SPI1: variants seen among roughly 807,000 people sequenced by gnomAD.
SPI1 encodes Spi-1 proto-oncogene, also known as transcription factor PU.1.
In SPI1, 3 loss-of-function variants were observed where a neutral mutation model predicts 30.7. The ratio of observed to expected loss-of-function variants is 0.10; its 90% CI spans 0.04 to 0.25. SPI1 has a LOEUF of 0.25. Among genes scored for constraint, SPI1 ranks in the 10% least tolerant of loss-of-function variants. The pLI, the probability that SPI1 is intolerant of heterozygous loss-of-function variation, is 1.00. For synonymous variants in SPI1, 169 were observed against 157.1 expected (o/e 1.08, Z -0.56); for missense variants, 261 against 371.5 (o/e 0.70, Z 2.45).
chr11:47,356,546 TCA>T (rs1441698890), intron 4 of SPI1, among the ~76,000 whole-genome samples: 1 of 147,696 alleles, frequency 6.8e-6, no homozygotes, highest in Non-Finnish European at 1.5e-5. Flanking sequence ...CACACCAGGT[TCA>T]CACACTCATG....
At chr11:47,364,990 A>G (rs552810338) in intron 2 of SPI1, among the ~76,000 whole-genome samples, 8 of 152,360 alleles carry the variant, frequency 5.3e-5, no homozygotes, top group Admixed American at 3.3e-4. Context: ...AGAAGGCCCA[A>G]TGGATACCTC....
In SPI1 at chr11:47,378,474, G is replaced by T. The variant is rs1186755325; in HGVS notation, c.-121C>A. ...TGGGGCGGGTGCAGGGCTCAGGCCT[G>T]CCCCCTGAGCTACAGGAGCCCTGGG... On this transcript the variant is annotated 5_prime_UTR_variant, in exon 1 of 5. Coordinates refer to ENST00000378538, the MANE Select transcript of SPI1 (RefSeq NM_003120.3). 1.9e-6 allele frequency: 2 copies of T among 1,036,950 alleles called. No homozygotes were observed. The highest frequency in any genetic ancestry group is 1.6e-5 in the African/African-American group (1 of 62,820). The allele number at this position is 1,036,950 out of a possible 1,614,324, so 64.2% of individuals were successfully genotyped here.
intron 2 of SPI1, among the ~76,000 whole-genome samples, chr11:47,363,633 A>G (rs2095924059): frequency 6.6e-6 from 1 of 152,044 alleles, no homozygotes; most frequent in African/African-American, 2.4e-5. Flanking sequence ...GATTACAGGC[A>G]TGAGCCACCG....
intron 2 of SPI1, among the ~76,000 whole-genome samples, chr11:47,363,249 A>G (rs1032656710): frequency 6.6e-5 from 10 of 152,234 alleles, no homozygotes; most frequent in Non-Finnish European, 1.0e-4. Context: ...GGCCAGGTGC[A>G]GTGGCTCACG....
Position 47,355,440 on chromosome 11 carries a change from C to T in SPI1, c.600G>A (p.Gln200=). ...WWVDKDKGTF[Q]FSSKHKEALA... Reference sequence around the variant, plus strand: ...GCGCCTCCTTGTGCTTGGACGAGAACTGGAAGGTGCCCTTGTCCTTGTCCA... The same window carrying T: ...GCGCCTCCTTGTGCTTGGACGAGAATTGGAAGGTGCCCTTGTCCTTGTCCA... The change falls in exon 5 of 5, where the codon CAG becomes CAA. Residue 200 remains glutamine (Q), a synonymous_variant. Coordinates refer to ENST00000378538, the MANE Select transcript of SPI1 (RefSeq NM_003120.3). 1 of 1,613,754 alleles carries T rather than the reference C, an allele frequency of 6.2e-7. No individual in the cohort carries two copies. The highest frequency in any genetic ancestry group is 8.5e-7 in the Non-Finnish European group (1 of 1,179,726).
At chr11:47,372,627 T>C (rs1366304872) in intron 2 of SPI1, among the ~76,000 whole-genome samples, 2 of 152,044 alleles carry the variant, frequency 1.3e-5, no homozygotes, top group East Asian at 1.9e-4. Context: ...GGGTGGCAGA[T>C]TGACTGTCCC....
chr11:47,355,315 T>C lies in SPI1; in HGVS notation c.725A>G (p.Lys242Arg). The part of the protein sequence containing the change: ...LRNYGKTGEV[K>R]KVKKKLTYQF... ...GTAGGTGAGCTTCTTCTTCACCTTCTTGACCTCGCCCGTCTTGCCGTAGTT... is the reference window on the plus strand; with the variant it reads ...GTAGGTGAGCTTCTTCTTCACCTTCCTGACCTCGCCCGTCTTGCCGTAGTT... The change falls in exon 5 of 5, where the codon AAG becomes AGG. Residue 242 changes from lysine to arginine, a missense_variant. Physicochemically the swap from Lys to Arg is conservative, Grantham distance 26. Transcript: ENST00000378538. 1 of 1,611,376 alleles carries C rather than the reference T, an allele frequency of 6.2e-7. No individual in the cohort carries two copies. Among genetic ancestry groups the C allele is most frequent in the Admixed American group, 1.7e-5 (1 of 59,814 alleles).
At chr11:47,372,412 A>G (rs1486667577) in intron 2 of SPI1, among the ~76,000 whole-genome samples, 3 of 152,036 alleles carry the variant, frequency 2.0e-5, no homozygotes, top group East Asian at 3.9e-4. Context: ...TTATGTCCCC[A>G]TCCCCTCGCT....
chr11:47,364,330 G>A (rs988622216), intron 2 of SPI1, among the ~76,000 whole-genome samples: 2 of 152,096 alleles, frequency 1.3e-5, no homozygotes, highest in Non-Finnish European at 2.9e-5. Context: ...GATTACAGGC[G>A]TCTGGCCTTA....
Position 47,378,518 on chromosome 11 carries a change from A to G in SPI1, c.-165T>C, listed in dbSNP as rs1294841455. On this transcript the variant is annotated 5_prime_UTR_variant, in exon 1 of 5. It removes an upstream start codon present in the reference 5' UTR. Transcript: ENST00000378538. Reference sequence around the variant, plus strand: ...CCCTGGGTGAGCCCCCTCCCTTGACATTGCAGGGCCAGCACAAGTTCCTGA... The same window carrying G: ...CCCTGGGTGAGCCCCCTCCCTTGACGTTGCAGGGCCAGCACAAGTTCCTGA... 3 of 655,314 alleles carry G rather than the reference A, an allele frequency of 4.6e-6. No individual in the cohort carries two copies. Among genetic ancestry groups the G allele is most frequent in the African/African-American group, 1.8e-5 (1 of 54,900 alleles). The allele number at this position is 655,314 out of a possible 1,614,324, so 40.6% of individuals were successfully genotyped here. A position where few individuals can be genotyped will look rare whatever the true frequency, so the allele number is the denominator to read the frequency against.
intron 2 of SPI1, among the ~76,000 whole-genome samples, chr11:47,361,318 C>T (rs2095920530): frequency 6.6e-6 from 1 of 152,094 alleles, no homozygotes; most frequent in African/African-American, 2.4e-5. Flanking sequence ...GTGGCCCTTC[C>T]TCTTCAAAGC....
intron 2 of SPI1, among the ~76,000 whole-genome samples, chr11:47,373,028 T>G (rs2095937890): frequency 6.6e-6 from 1 of 151,972 alleles, no homozygotes; most frequent in African/African-American, 2.4e-5. Flanking sequence ...TATGGTTGAG[T>G]CTTCAGACGA....
chr11:47,377,520 G>A (rs2095943906), intron 1 of SPI1, among the ~76,000 whole-genome samples: 1 of 152,006 alleles, frequency 6.6e-6, no homozygotes. Context: ...GGTCCCCTGG[G>A]GCTCCCACTT....
intron 2 of SPI1, among the ~76,000 whole-genome samples, chr11:47,367,373 G>A (rs912178869): frequency 2.4e-4 from 37 of 152,006 alleles, no homozygotes; most frequent in African/African-American, 8.9e-4. Context: ...GGTCAACATG[G>A]TGAAACCCCG....
chr11:47,368,101 C>G (rs2095931040), intron 2 of SPI1, among the ~76,000 whole-genome samples: 1 of 152,122 alleles, frequency 6.6e-6, no homozygotes, highest in African/African-American at 2.4e-5. Flanking sequence ...CGCAGTGGCT[C>G]ACACCTGTAT....
intron 4 of SPI1, among the ~76,000 whole-genome samples, chr11:47,357,074 A>T (rs1166089902): frequency 1.3e-5 from 2 of 149,470 alleles, no homozygotes; most frequent in Non-Finnish European, 3.0e-5. Flanking sequence ...CACACATGCT[A>T]ACACTTCACA....
chr11:47,355,531 A>G lies in SPI1; in HGVS notation c.509T>C (p.Ile170Thr). ...GTCCAACAGGAACTGGTACAGGCGGATCTTCTTCTTGCTGCCTGCGGGGGG... is the reference window on the plus strand; with the variant it reads ...GTCCAACAGGAACTGGTACAGGCGGGTCTTCTTCTTGCTGCCTGCGGGGGG... ...LPGETGSKKK[I>T]RLYQFLLDLL... is the part of the protein sequence containing the mutation. The change falls in exon 5 of 5, where the codon ATC (isoleucine) becomes ACC (threonine). Residue 170 changes from isoleucine (I) to threonine (T), a missense_variant. Ile to Thr is a moderately conservative substitution (Grantham distance 89). Around this residue, in one of 5 missense-constraint regions of SPI1, gnomAD observed 43 missense variants for 123.8 expected, o/e 0.35. Coordinates refer to ENST00000378538, the MANE Select transcript of SPI1 (RefSeq NM_003120.3). 6.3e-7 allele frequency: 1 copy of G among 1,580,594 alleles called. No homozygotes were observed. Among genetic ancestry groups the G allele is most frequent in the Non-Finnish European group, 8.6e-7 (1 of 1,160,842 alleles).
At chr11:47,376,375 C>G (rs1005509707) in intron 1 of SPI1, among the ~76,000 whole-genome samples, 2 of 152,020 alleles carry the variant, frequency 1.3e-5, no homozygotes, top group African/African-American at 4.8e-5. Context: ...CTGCCCAGCC[C>G]CACTCTCACA....
chr11:47,356,980 AC>A (rs1252438887), intron 4 of SPI1, among the ~76,000 whole-genome samples: 4 of 150,690 alleles, frequency 2.7e-5, no homozygotes, highest in Non-Finnish European at 4.4e-5. Context: ...CTGCTCACAC[AC>A]ATGCTCACCT....
Sources: allele counts gnomAD v4.1 joint callset (sites outside exome capture counted in the v4.1 genomes callset), GRCh38; gene constraint gnomAD v4.1.1; regional missense constraint gnomAD v4.1.1; transcripts MANE v1.5; gene names NCBI Gene and HGNC (gene_info 2026-07-23, HGNC 2026-07-21).